NELL1: variants seen among roughly 807,000 people sequenced by gnomAD.
The protein encoded by NELL1 is neural EGFL like 1.
Under a neutral mutation model 107.4 loss-of-function variants are expected in NELL1, and 76 were observed. The observed-to-expected ratio is 0.71, with a 90% CI of 0.59 to 0.86. NELL1 has a LOEUF of 0.86. Among genes scored for constraint, NELL1 ranks in the 40% least tolerant of loss-of-function variants. The probability of loss-of-function intolerance (pLI) is 0.00; values close to 1 mark genes in which losing one functional copy is unlikely to be tolerated. For missense variants in NELL1, 1,024 were observed against 1,005.5 expected (o/e 1.02, Z -0.25); for synonymous variants, 353 against 341.2 (o/e 1.03, Z -0.38).
At chr11:21,113,506 C>G in intron 12 of NELL1, 83 bp from the exon 13 acceptor site, 1 of 1,392,720 alleles carries the variant, frequency 7.2e-7, no homozygotes, top group South Asian at 1.3e-5. Flanking sequence ...GGACATTTAT[C>G]TTTTTTAATT....
At position 20,723,534 on chromosome 11, in the gene NELL1, C is replaced by A. The variant is rs566775954; in HGVS notation, c.184+45474C>A. 5.3e-5 allele frequency among the ~76,000 whole-genome samples: 8 copies of A among 152,294 alleles called. No individual in the cohort carries two copies. In the South Asian group the frequency reaches 1.7e-3, roughly 32 times the overall value. On this transcript the variant is annotated intron_variant, in intron 2 of 19. Coordinates refer to ENST00000357134, the MANE Select transcript of NELL1 (RefSeq NM_006157.5). ...GGCATGCTGATACAACAGGTGGGTT[C>A]CCAGGGCCTTGGGCAGCTGCACCCG...
chr11:21,516,350 G>A (rs979751186), intron 15 of NELL1, among the ~76,000 whole-genome samples: 1 of 152,098 alleles, frequency 6.6e-6, no homozygotes, highest in South Asian at 2.1e-4. Context: ...ATTTGAGTGG[G>A]CATATGTTAG....
At chr11:21,316,068 G>A (rs1182789353) in intron 14 of NELL1, among the ~76,000 whole-genome samples, 1 of 152,036 alleles carries the variant, frequency 6.6e-6, no homozygotes, top group Non-Finnish European at 1.5e-5. Flanking sequence ...GGGACAGTTT[G>A]TGAATATCAA....
chr11:20,928,507 C>T, intron 9 of NELL1, 28 bp downstream of exon 9: 1 of 1,536,878 alleles, frequency 6.5e-7, no homozygotes, highest in Non-Finnish European at 9.0e-7. Flanking sequence ...GTCAGACTGG[C>T]TGTCTGTGTT....
chr11:21,413,246 G>C (rs765996835), intron 15 of NELL1, among the ~76,000 whole-genome samples: 1 of 151,926 alleles, frequency 6.6e-6, no homozygotes, highest in Admixed American at 6.6e-5. Flanking sequence ...GGAGATGCGA[G>C]ATAAACCATA....
chr11:20,971,080 TTC>T (rs1365782474), intron 12 of NELL1, among the ~76,000 whole-genome samples: 1 of 152,138 alleles, frequency 6.6e-6, no homozygotes, highest in Admixed American at 6.5e-5. Context: ...TGATCATGTC[TTC>T]CCTCTGATAA....
intron 13 of NELL1, among the ~76,000 whole-genome samples, chr11:21,191,722 A>T (rs1857053794): frequency 6.6e-6 from 1 of 151,956 alleles, no homozygotes; most frequent in African/African-American, 2.4e-5. Flanking sequence ...GGTAAGACTC[A>T]ATCTTTGGAC....
At chr11:20,701,689 G>A (rs1365217782) in intron 2 of NELL1, among the ~76,000 whole-genome samples, 2 of 152,106 alleles carry the variant, frequency 1.3e-5, no homozygotes, top group African/African-American at 4.8e-5. Flanking sequence ...TTTTGTATAA[G>A]GTGTAAGGAA....
chr11:20,917,768 C>G (rs1414912432), intron 5 of NELL1, among the ~76,000 whole-genome samples: 1 of 151,864 alleles, frequency 6.6e-6, no homozygotes, highest in Non-Finnish European at 1.5e-5. Flanking sequence ...ATTTTATTTC[C>G]TTCGCTAAAT....
At chr11:21,272,362 GC>G (rs1438350175) in intron 14 of NELL1, among the ~76,000 whole-genome samples, 1 of 152,176 alleles carries the variant, frequency 6.6e-6, no homozygotes, top group Non-Finnish European at 1.5e-5. Flanking sequence ...GGGAGGGGGC[GC>G]CTGCCATTGC....
intron 16 of NELL1, among the ~76,000 whole-genome samples, chr11:21,558,862 G>A (rs1255788104): frequency 6.6e-6 from 1 of 151,976 alleles, no homozygotes; most frequent in Admixed American, 6.6e-5. Context: ...AAAGAAGATT[G>A]AAGAGATAAG....
chr11:20,784,954 A>C (rs1856923630), intron 3 of NELL1, among the ~76,000 whole-genome samples: 1 of 152,230 alleles, frequency 6.6e-6, no homozygotes, highest in Admixed American at 6.5e-5. Flanking sequence ...AGCTAATTTC[A>C]AAATTACATA....
intron 12 of NELL1, among the ~76,000 whole-genome samples, chr11:21,086,169 C>T (rs75701376): frequency 0.013 from 2,047 of 152,262 alleles, 54 homozygotes; most frequent in African/African-American, 0.046. Context: ...TACCCTAACA[C>T]CTGACCAGAT....
chr11:21,454,680 C>T (rs894589575), intron 15 of NELL1, among the ~76,000 whole-genome samples: 1 of 152,154 alleles, frequency 6.6e-6, no homozygotes, highest in Non-Finnish European at 1.5e-5. Flanking sequence ...GCTGGAAAGT[C>T]CAAGATCAAG....
intron 12 of NELL1, among the ~76,000 whole-genome samples, chr11:21,040,607 C>T (rs774321249): frequency 6.6e-6 from 1 of 152,086 alleles, no homozygotes; most frequent in Non-Finnish European, 1.5e-5. Flanking sequence ...TTTATGTCTG[C>T]TTGGACACTG....
At chr11:21,103,578 A>C (rs1235516776) in intron 12 of NELL1, among the ~76,000 whole-genome samples, 1 of 152,214 alleles carries the variant, frequency 6.6e-6, no homozygotes, top group Non-Finnish European at 1.5e-5. Context: ...CTTGGCATAA[A>C]GTGGTGGTTA....
intron 15 of NELL1, among the ~76,000 whole-genome samples, chr11:21,425,632 G>A (rs1438785088): frequency 6.6e-6 from 1 of 152,150 alleles, no homozygotes; most frequent in African/African-American, 2.4e-5. Context: ...GAAACCAATT[G>A]TGCTATAGAG....
intron 12 of NELL1, among the ~76,000 whole-genome samples, chr11:20,999,213 AC>A (rs1184671973): frequency 3.9e-5 from 6 of 152,156 alleles, no homozygotes; most frequent in Non-Finnish European, 8.8e-5. Context: ...TAAAAGAGAT[AC>A]CACAACCTTC....
intron 2 of NELL1, among the ~76,000 whole-genome samples, chr11:20,692,118 A>T (rs1405571549): frequency 2.0e-5 from 3 of 151,556 alleles, no homozygotes; most frequent in Non-Finnish European, 4.4e-5. Flanking sequence ...TTTCTGTGGG[A>T]TCGGTGGTGA....
Sources: allele counts gnomAD v4.1 joint callset (sites outside exome capture counted in the v4.1 genomes callset), GRCh38; gene constraint gnomAD v4.1.1; transcripts MANE v1.5; gene names NCBI Gene and HGNC (gene_info 2026-07-23, HGNC 2026-07-21).